SAMD12: variants seen among roughly 807,000 people sequenced by gnomAD.
SAMD12 encodes sterile alpha motif domain-containing protein 12.
In SAMD12, 9 loss-of-function variants were observed where a neutral mutation model predicts 15.0. The observed-to-expected ratio is 0.60, with a 90% CI of 0.36 to 1.05. The LOEUF is 1.05. SAMD12 is among the 50% of genes least tolerant of loss of function. The probability of loss-of-function intolerance (pLI) is 0.01; values close to 1 mark genes in which losing one functional copy is unlikely to be tolerated. For synonymous variants in SAMD12, 86 were observed against 90.1 expected, an observed-to-expected ratio of 0.96 and a Z score of 0.25; for missense variants, 230 against 234.2, an observed-to-expected ratio of 0.98 and a Z score of 0.12.
At chr8:118,497,925 C>T (rs528798224) in intron 2 of SAMD12, among the ~76,000 whole-genome samples, 33 of 151,578 alleles carry the variant, frequency 2.2e-4, no homozygotes, top group African/African-American at 7.0e-4. Flanking sequence ...GAGGAGACAT[C>T]AATTAAACTT....
chr8:118,593,391 G>T (rs1332243222), intron 1 of SAMD12, among the ~76,000 whole-genome samples: 1 of 152,092 alleles, frequency 6.6e-6, no homozygotes, highest in African/African-American at 2.4e-5. Context: ...AAACTGACAA[G>T]ATGCCATCAG....
chr8:118,473,858 G>A (rs1823880587), intron 2 of SAMD12, among the ~76,000 whole-genome samples: 1 of 152,114 alleles, frequency 6.6e-6, no homozygotes, highest in Admixed American at 6.5e-5. Context: ...TCCTCTTATA[G>A]TACTGCACAG....
chr8:118,252,190 A>G (rs1472800515), intron 4 of SAMD12, among the ~76,000 whole-genome samples: 2 of 152,144 alleles, frequency 1.3e-5, no homozygotes, highest in African/African-American at 4.8e-5. Context: ...TTTCTTCCTT[A>G]TGCTCATTTA....
intron 3 of SAMD12, among the ~76,000 whole-genome samples, chr8:118,390,671 T>C (rs1183806652): frequency 2.6e-5 from 4 of 152,094 alleles, no homozygotes; most frequent in Admixed American, 2.6e-4. Flanking sequence ...CCAAGACCAA[T>C]AAGTCTCCTC....
At chr8:118,206,756 T>C (rs1819872720) in intron 4 of SAMD12, among the ~76,000 whole-genome samples, 1 of 152,204 alleles carries the variant, frequency 6.6e-6, no homozygotes, top group African/African-American at 2.4e-5. Context: ...CAAATGGAAA[T>C]AATCTGATTC....
intron 2 of SAMD12, among the ~76,000 whole-genome samples, chr8:118,532,490 T>C (rs1007572363): frequency 6.6e-6 from 1 of 152,196 alleles, no homozygotes; most frequent in African/African-American, 2.4e-5. Flanking sequence ...TTTCTATTGA[T>C]TGGAATAGTT....
intron 3 of SAMD12, among the ~76,000 whole-genome samples, chr8:118,390,593 G>T (rs994720231): frequency 6.6e-6 from 1 of 152,286 alleles, no homozygotes; most frequent in East Asian, 1.9e-4. Context: ...CAATACCAGA[G>T]CTAGCAAGGA....
At chr8:118,442,370 G>A (rs908145457) in intron 2 of SAMD12, among the ~76,000 whole-genome samples, 11 of 152,172 alleles carry the variant, frequency 7.2e-5, no homozygotes, top group African/African-American at 2.7e-4. Context: ...TCTCTACCCT[G>A]CTGTGTGTTA....
At chr8:118,406,375 G>C (rs1031033351) in intron 3 of SAMD12, among the ~76,000 whole-genome samples, 9 of 152,152 alleles carry the variant, frequency 5.9e-5, no homozygotes, top group Non-Finnish European at 1.0e-4. Context: ...CTGGGTTCAA[G>C]TGATTCTCCT....
chr8:118,170,990 A>G, the SAMD12 span, among the ~76,000 whole-genome samples: 1 of 152,180 alleles, frequency 6.6e-6, no homozygotes, highest in Non-Finnish European at 1.5e-5. Flanking sequence ...AAGACAAATA[A>G]CCAAATTTAA....
At chr8:118,557,742 CT>C (rs1156585440) in intron 2 of SAMD12, among the ~76,000 whole-genome samples, 1 of 152,138 alleles carries the variant, frequency 6.6e-6, no homozygotes, top group Non-Finnish European at 1.5e-5. Flanking sequence ...ACACAAGGAC[CT>C]TTGTAAAGCC....
chr8:118,511,556 A>T (rs1430626528), intron 2 of SAMD12, among the ~76,000 whole-genome samples: 2 of 152,128 alleles, frequency 1.3e-5, no homozygotes, highest in Admixed American at 1.3e-4. Context: ...CTCTGCTGTC[A>T]GTTACAATGG....
intron 2 of SAMD12, among the ~76,000 whole-genome samples, chr8:118,549,058 A>T (rs897532809): frequency 7.2e-5 from 11 of 152,378 alleles, no homozygotes; most frequent in African/African-American, 2.6e-4. Flanking sequence ...CCACAGCTCA[A>T]GGAGGCCTGC....
At chr8:118,202,991 T>C (rs1240552419) in intron 4 of SAMD12, among the ~76,000 whole-genome samples, 1 of 152,222 alleles carries the variant, frequency 6.6e-6, no homozygotes, top group Non-Finnish European at 1.5e-5. Context: ...TTGGATTCAT[T>C]ATTCCTGTAA....
At chr8:118,329,540 C>T (rs374239894) in intron 4 of SAMD12, among the ~76,000 whole-genome samples, 101 of 152,248 alleles carry the variant, frequency 6.6e-4, no homozygotes, top group African/African-American at 2.3e-3. Flanking sequence ...CCCTGATCCC[C>T]GCCCTTCACT....
At chr8:118,169,034 T>C in the SAMD12 span, among the ~76,000 whole-genome samples, 1 of 151,848 alleles carries the variant, frequency 6.6e-6, no homozygotes, top group Non-Finnish European at 1.5e-5. Context: ...CAATAGGAAA[T>C]GGGGAATAAT....
chr8:118,247,760 T>C (rs1001796353), intron 4 of SAMD12, among the ~76,000 whole-genome samples: 1 of 151,980 alleles, frequency 6.6e-6, no homozygotes, highest in African/African-American at 2.4e-5. Context: ...TCCTGACTAA[T>C]TTTTTGTATT....
intron 4 of SAMD12, among the ~76,000 whole-genome samples, chr8:118,207,350 A>G (rs973732728): frequency 6.6e-6 from 1 of 150,660 alleles, no homozygotes; most frequent in African/African-American, 2.4e-5. Flanking sequence ...TGTACAGCCA[A>G]TTAGTCACTG....
At chr8:118,293,061 ACAAAC>A (rs1045373763) in intron 4 of SAMD12, among the ~76,000 whole-genome samples, 13 of 100,818 alleles carry the variant, frequency 1.3e-4, no homozygotes, top group South Asian at 5.4e-4. Flanking sequence ...TAATAAAAAA[ACAAAC>A]AAACAAAAAA....
Sources: allele counts gnomAD v4.1 joint callset (sites outside exome capture counted in the v4.1 genomes callset), GRCh38; gene constraint gnomAD v4.1.1; transcripts MANE v1.5; gene names NCBI Gene and HGNC (gene_info 2026-07-23, HGNC 2026-07-21).